ANKAR: variants seen among roughly 807,000 people sequenced by gnomAD.
ANKAR encodes ankyrin and armadillo repeat containing, also known as ankyrin and armadillo repeat-containing protein.
In ANKAR, 136 loss-of-function variants were observed where a neutral mutation model predicts 146.2. That is an observed-to-expected ratio of 0.93 (90% CI 0.81 to 1.07). ANKAR has a LOEUF of 1.07. Among genes scored for constraint, ANKAR ranks in the 50% least tolerant of loss-of-function variants. The pLI, the probability that ANKAR is intolerant of heterozygous loss-of-function variation, is 0.00. For synonymous variants in ANKAR, 500 were observed against 575.8 expected (o/e 0.87, Z 1.88); for missense variants, 1,567 against 1,679.9 (o/e 0.93, Z 1.18).
downstream of ANKAR, chr2:189,750,610 TG>T: frequency 6.3e-7 from 1 of 1,592,868 alleles, no homozygotes; most frequent in Admixed American, 1.8e-5. Context: ...GGTACTTTTA[TG>T]GAAGCTTCTC....
At chr2:189,725,328 C>T (rs1359288579) in intron 12 of ANKAR, among the ~76,000 whole-genome samples, 1 of 146,494 alleles carries the variant, frequency 6.8e-6, no homozygotes, top group African/African-American at 2.6e-5. Flanking sequence ...ATATATGATC[C>T]AGAAGCAATG....
intron 2 of ANKAR, among the ~76,000 whole-genome samples, chr2:189,682,230 A>G (rs2034811364): frequency 6.6e-6 from 1 of 152,062 alleles, no homozygotes; most frequent in African/African-American, 2.4e-5. Flanking sequence ...TTGAGGCTGT[A>G]GTGTATTATG....
chr2:189,702,543 A>C (rs1467442999), intron 7 of ANKAR, among the ~76,000 whole-genome samples: 1 of 152,168 alleles, frequency 6.6e-6, no homozygotes, highest in Non-Finnish European at 1.5e-5. Flanking sequence ...TGAGGGTATC[A>C]GTTTGCCCAT....
chr2:189,691,190 G>T (rs2036339563), intron 3 of ANKAR, among the ~76,000 whole-genome samples: 1 of 152,006 alleles, frequency 6.6e-6, no homozygotes, highest in Non-Finnish European at 1.5e-5. Flanking sequence ...CAAGTAGCTG[G>T]GATTACAGCC....
intron 2 of ANKAR, among the ~76,000 whole-genome samples, chr2:189,678,069 G>A (rs1408123067): frequency 1.3e-5 from 2 of 152,132 alleles, no homozygotes; most frequent in Non-Finnish European, 2.9e-5. Flanking sequence ...AGCAGTGTAA[G>A]TATTCCCTTT....
At chr2:189,721,855 G>T (rs2041281593) in intron 12 of ANKAR, among the ~76,000 whole-genome samples, 2 of 152,158 alleles carry the variant, frequency 1.3e-5, no homozygotes, top group South Asian at 4.1e-4. Context: ...TGTAAGTCAA[G>T]ATTAAGAATA....
intron 19 of ANKAR, among the ~76,000 whole-genome samples, chr2:189,739,568 G>GC (rs1553535311): frequency 6.9e-6 from 1 of 144,020 alleles, no homozygotes; most frequent in African/African-American, 2.5e-5. Context: ...AGACTCCACA[G>GC]TTTTTTTTTT....
At position 189,732,479 on chromosome 2, in the gene ANKAR, G is replaced by A. The variant is rs140629082; in HGVS notation, c.3301-628G>A. 2.4e-3 allele frequency among the ~76,000 whole-genome samples: 363 copies of A among 152,192 alleles called. 2 individuals are homozygous for A. The highest frequency in any genetic ancestry group is 8.9e-3 in the South Asian group (43 of 4,818). On this transcript the variant is annotated intron_variant, in intron 16 of 22. Transcript: ENST00000684021. ...GTTCGAGGCCAACCTGGCCAACATG[G>A]TGAAGCCCTGTCTCTGCTAAAGATA...
At chr2:189,699,485 G>A (rs7579156) in intron 7 of ANKAR, among the ~76,000 whole-genome samples, 5,744 of 152,184 alleles carry the variant, frequency 0.038, 155 homozygotes, top group African/African-American at 0.067. Context: ...CACCTGTAGT[G>A]TAAGTACCTT....
At chr2:189,689,082 C>T (rs10209441) in intron 2 of ANKAR, among the ~76,000 whole-genome samples, 150,479 of 152,326 alleles carry the variant, frequency 0.99, 74,364 homozygotes, top group East Asian at 1. Flanking sequence ...AGTTAGAACA[C>T]AGTTTATTCT....
intron 19 of ANKAR, among the ~76,000 whole-genome samples, chr2:189,740,310 C>G (rs918621952): frequency 3.3e-5 from 5 of 152,136 alleles, no homozygotes; most frequent in Non-Finnish European, 5.9e-5. Flanking sequence ...ATAGAGCTTA[C>G]CTTTAGACAA....
Position 189,707,006 on chromosome 2 carries a change from C to A in ANKAR, c.1979C>A (p.Ser660Tyr), listed in dbSNP as rs762271001. Reference sequence around the variant, plus strand: ...CTGGACACTATTCAATACCTGTTTTCTATCGGTGCTAACTGGAGAAAAACA... The same window carrying A: ...CTGGACACTATTCAATACCTGTTTTATATCGGTGCTAACTGGAGAAAAACA... ...GALDTIQYLF[S>Y]IGANWRKTDI... Residue 660 changes from serine (S) to tyrosine (Y), a missense_variant, in exon 9 of 23, where the codon TCT becomes TAT. Physicochemically the swap from Ser to Tyr is moderately radical, Grantham distance 144. Transcript: ENST00000684021. 6 of 1,613,542 alleles carry A rather than the reference C, an allele frequency of 3.7e-6. No individual in the cohort carries two copies. The African/African-American group carries it at 8.0e-5, about 22-fold the overall frequency.
In ANKAR at chr2:189,742,904, TGACACACA is replaced by T. The variant is rs1458916113; in HGVS notation, c.3811-370_3811-363del. Among the ~76,000 whole-genome samples the T allele has an allele frequency of 4.1e-3, 43 of 10,562 alleles. 1 individual carries two copies. Among genetic ancestry groups the T allele is most frequent in the Non-Finnish European group, 6.8e-3 (35 of 5,122 alleles). 6.9% of individuals were successfully genotyped at this position (10,562 alleles called of 152,430 possible). A position where few individuals can be genotyped will look rare whatever the true frequency, so the allele number is the denominator to read the frequency against. ...CACACACACACACACTAGAATTACC[TGACACACA>T]CACACACACACACACACACACACAC... On this transcript the variant is annotated intron_variant, in intron 20 of 22. Transcript: ENST00000684021.
chr2:189,720,994 T>C (rs2041169656), intron 12 of ANKAR, among the ~76,000 whole-genome samples: 1 of 152,224 alleles, frequency 6.6e-6, no homozygotes, highest in African/African-American at 2.4e-5. Flanking sequence ...TTATTTATAT[T>C]TTATTTTTCT....
intron 20 of ANKAR, among the ~76,000 whole-genome samples, chr2:189,742,719 AAC>A (rs1390440016): frequency 1.3e-5 from 2 of 152,112 alleles, no homozygotes; most frequent in Non-Finnish European, 2.9e-5. Flanking sequence ...CTAGGGATGG[AAC>A]CCAGGCATAA....
Position 189,674,818 on chromosome 2 carries a change from C to A in ANKAR, c.-48C>A, listed in dbSNP as rs1024782045. 10 of 152,336 alleles carry A rather than the reference C, an allele frequency of 6.6e-5. No individual in the cohort carries two copies. Among genetic ancestry groups the A allele is most frequent in the Non-Finnish European group, 1.3e-4 (9 of 68,100 alleles). 9.4% of individuals were successfully genotyped at this position (152,336 alleles called of 1,614,324 possible). A position where few individuals can be genotyped will look rare whatever the true frequency, so the allele number is the denominator to read the frequency against. On this transcript the variant is annotated 5_prime_UTR_variant, in exon 1 of 23. Coordinates refer to ENST00000684021, the MANE Select transcript of ANKAR (RefSeq NM_001378068.1). ...AGCGTCCCTCTCCCGGACAAGAAAA[C>A]AGCCATTCTAGAGTAGGTTCCTCCC... is the stretch of plus-strand genomic sequence containing the variant.
Position 189,692,279 on chromosome 2 carries a change from A to T in ANKAR, c.1064A>T (p.Glu355Val), listed in dbSNP as rs1288529811. ...FSDDKVKTERELPPFIYGRDF... is the reference protein window; with the variant it reads ...FSDDKVKTERVLPPFIYGRDF... ...GATGACAAGGTCAAGACAGAGCGAG[A>T]ATTGCCTCCATTTATTTATGGAAGA... Residue 355 changes from glutamate (E) to valine (V), a missense_variant, in exon 4 of 23, where the codon GAA becomes GTA. Coordinates refer to ENST00000684021, the MANE Select transcript of ANKAR (RefSeq NM_001378068.1). 13 of 1,612,276 alleles carry T rather than the reference A, an allele frequency of 8.1e-6. No homozygotes were observed. The highest frequency in any genetic ancestry group is 9.3e-6 in the Non-Finnish European group (11 of 1,179,472).
intron 7 of ANKAR, among the ~76,000 whole-genome samples, chr2:189,696,918 T>A (rs1281957925): frequency 6.6e-6 from 1 of 152,200 alleles, no homozygotes; most frequent in African/African-American, 2.4e-5. Context: ...TTCTTTATCA[T>A]AATAATGTTT....
chr2:189,743,420 C>A lies in ANKAR; in HGVS notation c.3956C>A (p.Ala1319Glu), dbSNP rs374330017. The change falls in exon 21 of 23, where the codon GCA (alanine) becomes GAA (glutamate). Residue 1319 changes from alanine (A) to glutamate (E), a missense_variant. Ala to Glu is a moderately radical substitution (Grantham distance 107). Transcript: ENST00000684021. ...AGCAGAGATGCAAGTATTAACCCAG[C>A]ATTTTTAAAGGAATTTCAAATGCAA... ...NISRDASINP[A>E]FLKEFQMQQT... 15 of 1,613,820 alleles carry A rather than the reference C, an allele frequency of 9.3e-6. No individual in the cohort carries two copies. The East Asian group carries it at 1.3e-4, about 14-fold the overall frequency.
Sources: gnomAD v4.1 joint callset for allele counts (sites outside exome capture counted in the v4.1 genomes callset) on GRCh38, gnomAD v4.1.1 for gene constraint, MANE v1.5 for transcripts, NCBI Gene and HGNC (gene_info 2026-07-23, HGNC 2026-07-21) for gene names.